The following PHTF2 variants were observed in gnomAD, a reference collection of about 807,000 sequenced individuals.
PHTF2 encodes protein PHTF2.
In PHTF2, 60 loss-of-function variants were observed where a neutral mutation model predicts 101.2. The ratio of observed to expected loss-of-function variants is 0.59; its 90% CI spans 0.48 to 0.73. The LOEUF (loss-of-function observed/expected upper bound fraction) is 0.73, where lower values mean the gene tolerates loss of function less well. Ranked by LOEUF, PHTF2 falls within the 30% of genes least tolerant of loss-of-function variation. PHTF2 has a pLI of 0.00. For synonymous variants in PHTF2, 311 were observed against 307.3 expected, an observed-to-expected ratio of 1.01 and a Z score of -0.13; for missense variants, 747 against 908.7, an observed-to-expected ratio of 0.82 and a Z score of 2.29.
chr7:77,838,759 A>T (rs1236144378), intron 1 of PHTF2, among the ~76,000 whole-genome samples: 1 of 152,110 alleles, frequency 6.6e-6, no homozygotes, highest in Non-Finnish European at 1.5e-5. Flanking sequence ...TTTGACTCTA[A>T]CCTTCTTTTC....
intron 1 of PHTF2, among the ~76,000 whole-genome samples, chr7:77,831,158 C>A (rs930214457): frequency 1.2e-4 from 18 of 152,214 alleles, no homozygotes; most frequent in Non-Finnish European, 2.5e-4. Context: ...AGCCATGAAA[C>A]CTTCAAAAGT....
chr7:77,915,863 C>T (rs990611638), intron 9 of PHTF2, among the ~76,000 whole-genome samples: 5 of 151,994 alleles, frequency 3.3e-5, no homozygotes, highest in South Asian at 2.1e-4. Context: ...CCTTGCTGTC[C>T]AGGTGCCTGT....
At chr7:77,859,486 C>CT (rs1309171700) in intron 3 of PHTF2, among the ~76,000 whole-genome samples, 3 of 150,786 alleles carry the variant, frequency 2.0e-5, no homozygotes, top group African/African-American at 4.9e-5. Flanking sequence ...CCTAGGTCCT[C>CT]TTTTTTTAAA....
intron 10 of PHTF2, 50 bp downstream of exon 9, chr7:77,920,515 A>G (rs780144170): frequency 1.4e-6 from 2 of 1,381,616 alleles, no homozygotes; most frequent in African/African-American, 1.4e-5. Context: ...ATATTAGCCA[A>G]TGTAAAGTGA....
chr7:77,823,850 T>C (rs1475787569), intron 1 of PHTF2, among the ~76,000 whole-genome samples: 6 of 152,208 alleles, frequency 3.9e-5, no homozygotes, highest in African/African-American at 1.4e-4. Flanking sequence ...TATGGTCAAA[T>C]TGTAAAAGAA....
chr7:77,821,299 A>C (rs1328734797), intron 1 of PHTF2, among the ~76,000 whole-genome samples: 1 of 152,050 alleles, frequency 6.6e-6, no homozygotes, highest in Non-Finnish European at 1.5e-5. Context: ...ATTTGAATAT[A>C]TTTTGCCTTG....
At chr7:77,914,891 A>G (rs991616482) in intron 9 of PHTF2, among the ~76,000 whole-genome samples, 2 of 152,088 alleles carry the variant, frequency 1.3e-5, no homozygotes, top group East Asian at 1.9e-4. Flanking sequence ...CTGTTTCCTC[A>G]TTATTATTGT....
exon 10 of PHTF2, chr7:77,920,465 A>G (rs1803350012): frequency 6.2e-7 from 1 of 1,609,892 alleles, no homozygotes; most frequent in Admixed American, 1.7e-5. Flanking sequence ...GTCCTAGCAA[A>G]GTACGTGTGA....
At position 77,929,346 on chromosome 7, in the gene PHTF2, C is replaced by T. The variant is rs1378148017; in HGVS notation, c.1338+19C>T. On this transcript the variant is annotated intron_variant, in intron 12 of 19. Transcript: ENST00000416283. ...TCATCAGGTTGGTTTATGGTTTTGGCTTATGTGGAGCTATGAGTCAAGCTC... is the reference window on the plus strand; with the variant it reads ...TCATCAGGTTGGTTTATGGTTTTGGTTTATGTGGAGCTATGAGTCAAGCTC... The T allele has an allele frequency of 1.5e-6, 2 of 1,316,536 alleles. No individual in the cohort carries two copies. The highest frequency in any genetic ancestry group is 1.4e-5 in the African/African-American group (1 of 69,326). 81.6% of individuals were successfully genotyped at this position (1,316,536 alleles called of 1,614,324 possible).
At chr7:77,900,306 A>T (rs1801271215) in intron 5 of PHTF2, among the ~76,000 whole-genome samples, 1 of 152,116 alleles carries the variant, frequency 6.6e-6, no homozygotes, top group Admixed American at 6.5e-5. Context: ...TGCTTTCTGA[A>T]ATAATGCCTC....
chr7:77,928,202 G>A (rs1453081486), intron 11 of PHTF2, among the ~76,000 whole-genome samples: 3 of 151,270 alleles, frequency 2.0e-5, no homozygotes, highest in Non-Finnish European at 4.4e-5. Context: ...AAAAAAAATT[G>A]AAGATACCTG....
At chr7:77,830,457 A>G (rs1159483578) in intron 1 of PHTF2, among the ~76,000 whole-genome samples, 1 of 152,220 alleles carries the variant, frequency 6.6e-6, no homozygotes, top group East Asian at 1.9e-4. Flanking sequence ...CTGTATTTAC[A>G]GCTGCCTCCC....
intron 3 of PHTF2, among the ~76,000 whole-genome samples, chr7:77,892,285 A>G (rs1055031990): frequency 2.0e-5 from 3 of 152,152 alleles, no homozygotes; most frequent in African/African-American, 4.8e-5. Flanking sequence ...GCGAGACTCT[A>G]TCTCAAAAAA....
chr7:77,866,184 CA>C (rs35744441), intron 3 of PHTF2, among the ~76,000 whole-genome samples: 405 of 82,384 alleles, frequency 4.9e-3, no homozygotes, highest in Admixed American at 6.8e-3. Flanking sequence ...ACTACCTCTC[CA>C]AAAAAAAAAA....
intron 3 of PHTF2, among the ~76,000 whole-genome samples, chr7:77,883,138 G>A (rs1439928223): frequency 2.0e-5 from 3 of 152,082 alleles, no homozygotes; most frequent in African/African-American, 7.2e-5. Context: ...AAATTTGTTC[G>A]AGAAGTAGTA....
At chr7:77,948,117 G>C (rs566019692) in intron 16 of PHTF2, among the ~76,000 whole-genome samples, 20 of 152,060 alleles carry the variant, frequency 1.3e-4, no homozygotes, top group African/African-American at 4.6e-4. Context: ...TGGGATTACA[G>C]GCGTGAGCCA....
intron 16 of PHTF2, among the ~76,000 whole-genome samples, chr7:77,949,283 A>G (rs927017817): frequency 3.3e-5 from 5 of 152,124 alleles, no homozygotes; most frequent in African/African-American, 1.2e-4. Context: ...ATTTTAAAAT[A>G]TACAAAAAAT....
intron 9 of PHTF2, among the ~76,000 whole-genome samples, chr7:77,911,887 A>C (rs1802431474): frequency 6.6e-6 from 1 of 152,164 alleles, no homozygotes; most frequent in Admixed American, 6.5e-5. Flanking sequence ...ACTAACTTGG[A>C]TGTAATATAG....
chr7:77,822,831 G>T (rs1375759912), intron 1 of PHTF2, among the ~76,000 whole-genome samples: 5 of 152,218 alleles, frequency 3.3e-5, no homozygotes, highest in Non-Finnish European at 4.4e-5. Context: ...TTTCTTATTG[G>T]GGGGATGAGT....
Sources: gnomAD v4.1 joint callset for allele counts (sites outside exome capture counted in the v4.1 genomes callset) on GRCh38, gnomAD v4.1.1 for gene constraint, MANE v1.5 for transcripts, NCBI Gene and HGNC (gene_info 2026-07-23, HGNC 2026-07-21) for gene names.